The following WASL variants were observed in gnomAD, a reference collection of about 807,000 sequenced individuals.
WASL encodes the protein actin nucleation-promoting factor WASL.
In WASL, 20 loss-of-function variants were observed where a neutral mutation model predicts 55.5. That is an observed-to-expected ratio of 0.36 (90% CI 0.25 to 0.52). The LOEUF (loss-of-function observed/expected upper bound fraction) is 0.52. Ranked by LOEUF, WASL falls within the 20% of genes least tolerant of loss-of-function variation. WASL has a pLI of 0.92. For missense variants in WASL, 504 were observed against 622.5 expected, an observed-to-expected ratio of 0.81 and a Z score of 2.03; for synonymous variants, 249 against 217.6, an observed-to-expected ratio of 1.14 and a Z score of -1.27.
intron 1 of WASL, among the ~76,000 whole-genome samples, chr7:123,731,687 A>G (rs951373868): frequency 6.6e-6 from 1 of 152,236 alleles, no homozygotes; most frequent in Non-Finnish European, 1.5e-5. Context: ...ATACTTCTAA[A>G]TAATTCATGA....
intron 1 of WASL, among the ~76,000 whole-genome samples, chr7:123,719,282 C>T (rs1240764762): frequency 2.6e-5 from 4 of 152,164 alleles, no homozygotes; most frequent in African/African-American, 9.7e-5. Context: ...ATGCTGAAGT[C>T]ACATGGGACT....
At chr7:123,741,887 A>G (rs919259372) in intron 1 of WASL, among the ~76,000 whole-genome samples, 3 of 152,222 alleles carry the variant, frequency 2.0e-5, no homozygotes, top group East Asian at 3.8e-4. Context: ...CCAATTCTAT[A>G]TGTTATGAGG....
At chr7:123,748,496 G>A (rs1325094427) in intron 1 of WASL, 122 bp downstream of exon 1, 7 of 982,106 alleles carry the variant, frequency 7.1e-6, no homozygotes, top group Non-Finnish European at 1.0e-5. Context: ...GGCCGGGGCC[G>A]GGGCTGGCGG....
chr7:123,688,534 G>T (rs981907641), intron 10 of WASL, among the ~76,000 whole-genome samples: 9 of 152,022 alleles, frequency 5.9e-5, no homozygotes, highest in Non-Finnish European at 1.2e-4. Context: ...TAACTTTTTT[G>T]TATTTTTAGT....
intron 1 of WASL, among the ~76,000 whole-genome samples, chr7:123,715,817 A>C (rs1301149942): frequency 6.6e-6 from 1 of 152,242 alleles, no homozygotes. Context: ...ACAGACCTTT[A>C]GCATTACCAG....
intron 1 of WASL, among the ~76,000 whole-genome samples, chr7:123,715,813 C>G (rs1803832422): frequency 6.6e-6 from 1 of 152,148 alleles, no homozygotes; most frequent in South Asian, 2.1e-4. Flanking sequence ...TGGCACAGAC[C>G]TTTAGCATTA....
chr7:123,719,043 G>A (rs1803892725), intron 1 of WASL, among the ~76,000 whole-genome samples: 1 of 152,168 alleles, frequency 6.6e-6, no homozygotes, highest in Non-Finnish European at 1.5e-5. Flanking sequence ...CTTCCACAGC[G>A]ATGTTCCACT....
At chr7:123,707,828 T>C (rs541257364) in intron 2 of WASL, among the ~76,000 whole-genome samples, 3 of 152,300 alleles carry the variant, frequency 2.0e-5, no homozygotes, top group African/African-American at 4.8e-5. Context: ...TGATTACTAG[T>C]AAGCCACTGC....
chr7:123,728,956 T>G lies in WASL; in HGVS notation c.117+19662A>C, dbSNP rs142478437. On this transcript the variant is annotated intron_variant, in intron 1 of 10. Coordinates refer to ENST00000223023, the MANE Select transcript of WASL (RefSeq NM_003941.4). ...TTTGCTGAGAGTAAGTACATACATGTGTACTTCTTCAATAATTCATGTAAG... is the reference window on the plus strand; with the variant it reads ...TTTGCTGAGAGTAAGTACATACATGGGTACTTCTTCAATAATTCATGTAAG... Among the ~76,000 whole-genome samples the G allele has an allele frequency of 2.9e-4, 44 of 152,294 alleles. No individual in the cohort carries two copies. In the East Asian group the frequency reaches 7.9e-3, roughly 27 times the overall value.
intron 9 of WASL, among the ~76,000 whole-genome samples, chr7:123,689,651 G>T (rs1023283907): frequency 2.6e-5 from 4 of 151,952 alleles, no homozygotes; most frequent in Non-Finnish European, 5.9e-5. Flanking sequence ...CCTTCAAAAT[G>T]AACCTCTTTT....
intron 10 of WASL, among the ~76,000 whole-genome samples, chr7:123,685,414 T>C (rs1192007518): frequency 6.6e-6 from 1 of 152,020 alleles, no homozygotes; most frequent in Non-Finnish European, 1.5e-5. Context: ...TCACCAATCT[T>C]ATTCTGGCTT....
intron 1 of WASL, among the ~76,000 whole-genome samples, chr7:123,715,269 A>G (rs746210740): frequency 6.6e-6 from 1 of 152,192 alleles, no homozygotes; most frequent in African/African-American, 2.4e-5. Flanking sequence ...TGCACCTTGT[A>G]GCTTGCCCTT....
At chr7:123,722,938 G>C (rs760862610) in intron 1 of WASL, among the ~76,000 whole-genome samples, 2 of 152,294 alleles carry the variant, frequency 1.3e-5, no homozygotes, top group Non-Finnish European at 2.9e-5. Flanking sequence ...CAAAGAATCA[G>C]GAATGTCCCA....
rs138597244 is a variant in WASL at position 123,713,352 on chromosome 7, T to TA, written c.118-4130dup. On this transcript the variant is annotated intron_variant, in intron 1 of 10. Coordinates refer to ENST00000223023, the MANE Select transcript of WASL (RefSeq NM_003941.4). ...ATTTTTTGTAGAGATGCAGTCTAAC[T>TA]ATGTTACGCAGGCTGGTCTCAAACT... is the stretch of plus-strand genomic sequence containing the variant. Among the ~76,000 whole-genome samples the TA allele has an allele frequency of 1.1e-4, 16 of 152,144 alleles. No homozygotes were observed. The East Asian group carries it at 3.1e-3, about 30-fold the overall frequency.
At chr7:123,727,750 C>T (rs1257052826) in intron 1 of WASL, among the ~76,000 whole-genome samples, 1 of 152,102 alleles carries the variant, frequency 6.6e-6, no homozygotes, top group East Asian at 1.9e-4. Context: ...TATGGTCATA[C>T]TCTGTATCAT....
intron 5 of WASL, among the ~76,000 whole-genome samples, chr7:123,699,478 G>A (rs1191551414): frequency 6.6e-6 from 1 of 152,118 alleles, no homozygotes; most frequent in African/African-American, 2.4e-5. Context: ...AGACTCACCA[G>A]TAAAATATAA....
chr7:123,706,656 C>G, intron 3 of WASL, 84 bp downstream of exon 3: 1 of 1,067,054 alleles, frequency 9.4e-7, no homozygotes, highest in Non-Finnish European at 1.4e-6. Context: ...TTTGATCTTT[C>G]AATAAGGTTC....
chr7:123,711,398 C>T (rs780894374), intron 1 of WASL, among the ~76,000 whole-genome samples: 46 of 152,074 alleles, frequency 3.0e-4, no homozygotes, highest in Non-Finnish European at 5.4e-4. Context: ...AGACAGGATA[C>T]TGCATTATAA....
rs1305492036 is a variant in WASL at position 123,712,509 on chromosome 7, T to G, written c.118-3286A>C. On this transcript the variant is annotated intron_variant, in intron 1 of 10. Transcript: ENST00000223023. ...GTTATTCAGAAAAAAATAACATGCA[T>G]GTATACATATATATAGAGAAAAAAA... is the stretch of plus-strand genomic sequence containing the variant. Among the ~76,000 whole-genome samples, 4 of 152,206 alleles carry G rather than the reference T, an allele frequency of 2.6e-5. No individual in the cohort carries two copies. The South Asian group carries it at 8.3e-4, about 31-fold the overall frequency.
Sources: allele counts gnomAD v4.1 joint callset (sites outside exome capture counted in the v4.1 genomes callset), GRCh38; gene constraint gnomAD v4.1.1; transcripts MANE v1.5; gene names NCBI Gene and HGNC (gene_info 2026-07-23, HGNC 2026-07-21).